MACF1: variants seen among roughly 807,000 people sequenced by gnomAD.
MACF1 encodes microtubule actin crosslinking factor 1.
In MACF1, 193 loss-of-function variants were observed where a neutral mutation model predicts 854.8. The ratio of observed to expected loss-of-function variants is 0.23; its 90% CI spans 0.20 to 0.25. The LOEUF (loss-of-function observed/expected upper bound fraction) is 0.25, where lower values mean the gene tolerates loss of function less well. Among genes scored for constraint, MACF1 ranks in the 10% least tolerant of loss-of-function variants. The probability of loss-of-function intolerance (pLI) is 1.00; values close to 1 mark genes in which losing one functional copy is unlikely to be tolerated. For missense variants in MACF1, 7,722 were observed against 8,929.1 expected, an observed-to-expected ratio of 0.86 and a Z score of 5.45; for synonymous variants, 3,185 against 3,226.7, an observed-to-expected ratio of 0.99 and a Z score of 0.44.
chr1:39,290,885 G>T (rs1645767031), intron 15 of MACF1, among the ~76,000 whole-genome samples: 2 of 151,850 alleles, frequency 1.3e-5, no homozygotes, highest in Admixed American at 1.3e-4. Context: ...ATGTTAGCCA[G>T]GCTGGTCTTG....
rs1225635683 is a variant in MACF1, at chr1:39,324,267, G to A, written c.4311G>A (p.Ala1437=). ...TTTTGGGCTGGGTGTCTACCCTAGCGAGGAATACACAAGGAAAAGCTACCT... is the reference window on the plus strand; with the variant it reads ...TTTTGGGCTGGGTGTCTACCCTAGCAAGGAATACACAAGGAAAAGCTACCT... ...KELLGWVSTL[A]RNTQGKATSS... is the part of the protein sequence containing the mutation. Residue 1437 remains alanine, a synonymous_variant, in exon 34 of 101, where the codon GCG becomes GCA. Transcript: ENST00000564288. The A allele has an allele frequency of 8.1e-6, 13 of 1,613,758 alleles. 1 individual carries two copies. Among genetic ancestry groups the A allele is most frequent in the East Asian group, 4.5e-5 (2 of 44,858 alleles).
At chr1:39,294,440 T>C (rs1432042418) in intron 18 of MACF1, among the ~76,000 whole-genome samples, 1 of 152,212 alleles carries the variant, frequency 6.6e-6, no homozygotes, top group Non-Finnish European at 1.5e-5. Context: ...TTAAAAAATA[T>C]AGGCTTCTTC....
chr1:39,380,093 G>T (rs1650046258), intron 54 of MACF1, 151 bp from the exon 55 acceptor site: 2 of 625,252 alleles, frequency 3.2e-6, no homozygotes, highest in East Asian at 3.3e-5. Context: ...TGAAGTAGAA[G>T]GGTTAAGTAT....
At chr1:39,119,815 A>G (rs1013330811) in intron 2 of MACF1, among the ~76,000 whole-genome samples, 4 of 151,478 alleles carry the variant, frequency 2.6e-5, no homozygotes, top group Admixed American at 6.6e-5. Flanking sequence ...TCCATTTCAT[A>G]GTTTAAAGTG....
At chr1:39,402,702 A>C (rs1642524228) in intron 58 of MACF1, among the ~76,000 whole-genome samples, 1 of 152,176 alleles carries the variant, frequency 6.6e-6, no homozygotes, top group African/African-American at 2.4e-5. Flanking sequence ...TCCAACACCC[A>C]TCACTGTGCT....
Position 39,441,946 on chromosome 1 carries a change from T to C in MACF1, c.18673-6T>C. On this transcript the variant is annotated splice_region_variant and splice_polypyrimidine_tract_variant and intron_variant, in intron 74 of 100. Transcript: ENST00000564288. ...TTTTTGACTGTTTACTTGTCTTTTGTTCTAGGCTATGTTTGACTGGCTAGA... is the reference window on the plus strand; with the variant it reads ...TTTTTGACTGTTTACTTGTCTTTTGCTCTAGGCTATGTTTGACTGGCTAGA... The C allele has an allele frequency of 6.2e-7, 1 of 1,611,312 alleles. No individual in the cohort carries two copies. The highest frequency in any genetic ancestry group is 8.5e-7 in the Non-Finnish European group (1 of 1,177,718).
rs565788261 is a variant in MACF1, at chr1:39,137,350, G to A, written c.220+52912G>A. Among the ~76,000 whole-genome samples, 16 of 152,300 alleles carry A rather than the reference G, an allele frequency of 1.1e-4. 1 individual carries two copies. The highest frequency in any genetic ancestry group is 7.8e-4 in the Admixed American group (12 of 15,304). On this transcript the variant is annotated intron_variant, in intron 2 of 93. Coordinates refer to the MACF1 transcript ENST00000361689. ...CTCTCAAAGTGTTGGGATTACAGGC[G>A]TGAGCCACCATACCCAGTCTTTTTT...
Position 39,340,880 on chromosome 1 carries a change from TTA to T in MACF1, c.10510_10511del (p.Ile3504SerfsTer7). The T allele has an allele frequency of 1.2e-6, 2 of 1,614,102 alleles. No individual in the cohort carries two copies. ...AGAGCCTGGGTTGGCAATAAAAATC[TTA>T]TTCTGAACAGCAAGGGATCTAACAG... On this transcript the variant is annotated frameshift_variant, in exon 40 of 101. Transcript: ENST00000564288. LOFTEE classifies it high-confidence loss of function.
intron 50 of MACF1, among the ~76,000 whole-genome samples, chr1:39,369,279 T>C (rs1199556870): frequency 6.6e-6 from 1 of 152,172 alleles, no homozygotes; most frequent in Non-Finnish European, 1.5e-5. Flanking sequence ...CTGGACAGCC[T>C]CACATAGATT....
At chr1:39,481,153 C>T (rs1645005039) in intron 99 of MACF1, 123 bp downstream of exon 99, 3 of 609,848 alleles carry the variant, frequency 4.9e-6, no homozygotes, top group Non-Finnish European at 8.6e-6. Flanking sequence ...CTTGCTGTCA[C>T]AGCTGATTCA....
chr1:39,338,609 T>G (rs891065076), intron 38 of MACF1, among the ~76,000 whole-genome samples: 2 of 152,238 alleles, frequency 1.3e-5, no homozygotes, highest in African/African-American at 4.8e-5. Flanking sequence ...AGGCTGGATG[T>G]TCATTCTCTG....
intron 1 of MACF1, among the ~76,000 whole-genome samples, chr1:39,227,233 T>C (rs989175345): frequency 6.6e-6 from 1 of 152,184 alleles, no homozygotes; most frequent in Non-Finnish European, 1.5e-5. Context: ...GGTTTTTAGA[T>C]ATTGAACTGG....
At chr1:39,124,838 A>G (rs1642818782) in intron 2 of MACF1, among the ~76,000 whole-genome samples, 1 of 152,252 alleles carries the variant, frequency 6.6e-6, no homozygotes, top group Non-Finnish European at 1.5e-5. Flanking sequence ...GAAACAGAAC[A>G]AACAGGTTAA....
chr1:39,190,395 G>GTTTTT (rs750262685), intron 2 of MACF1, among the ~76,000 whole-genome samples: 1,160 of 78,740 alleles, frequency 0.015, 115 homozygotes, highest in Middle Eastern at 0.048. Context: ...GTGTGTGTTT[G>GTTTTT]TTTTTGTTTT....
At chr1:39,147,114 T>C (rs191238994) in intron 2 of MACF1, among the ~76,000 whole-genome samples, 3,771 of 146,734 alleles carry the variant, frequency 0.026, 88 homozygotes, top group East Asian at 0.13. Flanking sequence ...CCTCCCTCCT[T>C]CTTTTCTTCT....
At chr1:39,290,755 C>T (rs1265688092) in intron 15 of MACF1, among the ~76,000 whole-genome samples, 1 of 150,474 alleles carries the variant, frequency 6.6e-6, no homozygotes, top group Admixed American at 6.6e-5. Flanking sequence ...GCAACCTCTG[C>T]CTCCCGTGTT....
upstream of MACF1, among the ~76,000 whole-genome samples, chr1:39,201,599 GC>G (rs1474805837): frequency 1.3e-5 from 2 of 152,092 alleles, no homozygotes; most frequent in Admixed American, 6.6e-5. Flanking sequence ...TGATCCACCT[GC>G]CTCGGCCTCC....
intron 44 of MACF1, 91 bp downstream of exon 44, chr1:39,353,322 G>A: frequency 1.1e-6 from 1 of 911,672 alleles, no homozygotes; most frequent in East Asian, 2.6e-5. Flanking sequence ...AATCCAGTGA[G>A]CACTTCTCAG....
At chr1:39,102,642 T>C (rs1415561860) in intron 2 of MACF1, 9 of 634,948 alleles carry the variant, frequency 1.4e-5, no homozygotes, top group Non-Finnish European at 2.3e-5. Flanking sequence ...GAGGCTTTAA[T>C]TGGGAGGACA....
Sources: allele counts gnomAD v4.1 joint callset (sites outside exome capture counted in the v4.1 genomes callset), GRCh38; gene constraint gnomAD v4.1.1; transcripts MANE v1.5; gene names NCBI Gene and HGNC (gene_info 2026-07-23, HGNC 2026-07-21).